Variants in RETREG3 observed in about 807,000 individuals in gnomAD.
The protein encoded by RETREG3 is reticulophagy regulator family member 3.
In RETREG3, 23 loss-of-function variants were observed where a neutral mutation model predicts 50.2. That is an observed-to-expected ratio of 0.46 (90% CI 0.33 to 0.65). The LOEUF is 0.65. Ranked by LOEUF, RETREG3 falls within the 30% of genes least tolerant of loss-of-function variation. The pLI, the probability that RETREG3 is intolerant of heterozygous loss-of-function variation, is 0.02. For missense variants in RETREG3, 546 were observed against 598.0 expected, an observed-to-expected ratio of 0.91 and a Z score of 0.91; for synonymous variants, 240 against 234.4, an observed-to-expected ratio of 1.02 and a Z score of -0.22.
rs2093149344 is a variant in RETREG3, at chr17:42,597,607, ATATATATATATATTTTTTTTTTTT to A, written c.240-5469_240-5446del. On this transcript the variant is annotated intron_variant, in intron 1 of 8. Transcript: ENST00000309428. ...TATATATATATATATATATATATAT[ATATATATATATATTTTTTTTTTTT>A]TTTTTTTTTTTTTTTTGAGACAGAG... is the stretch of plus-strand genomic sequence containing the variant. Among the ~76,000 whole-genome samples, 5 of 17,012 alleles carry A rather than the reference ATATATATATATATTTTTTTTTTTT, an allele frequency of 2.9e-4. No homozygotes were observed. The Admixed American group carries it at 4.8e-3, about 16-fold the overall frequency. 11.2% of individuals were successfully genotyped at this position (17,012 alleles called of 152,430 possible). A position where few individuals can be genotyped will look rare whatever the true frequency, so the allele number is the denominator to read the frequency against.
chr17:42,605,689 TAGTCTCAAG>T (rs1419563430), intron 1 of RETREG3, among the ~76,000 whole-genome samples: 3 of 152,172 alleles, frequency 2.0e-5, no homozygotes, highest in African/African-American at 7.2e-5. Context: ...ACTGTTCTTT[TAGTCTCAAG>T]AGTCACATTG....
At chr17:42,600,477 T>C (rs547922404) in intron 1 of RETREG3, among the ~76,000 whole-genome samples, 106 of 152,360 alleles carry the variant, frequency 7.0e-4, no homozygotes, top group Middle Eastern at 3.4e-3. Flanking sequence ...GTGATAATGA[T>C]GGCAGATGTT....
intron 1 of RETREG3, among the ~76,000 whole-genome samples, chr17:42,603,370 A>G (rs1390387997): frequency 1.3e-5 from 2 of 152,206 alleles, no homozygotes; most frequent in African/African-American, 4.8e-5. Flanking sequence ...CAGGGACAGA[A>G]AGCCTGTTAC....
At chr17:42,597,541 ATT>A (rs1279538056) in intron 1 of RETREG3, among the ~76,000 whole-genome samples, 2 of 105,684 alleles carry the variant, frequency 1.9e-5, no homozygotes, top group Admixed American at 2.2e-4. Context: ...ATATATATAT[ATT>A]TCGTATATAT....
intron 8 of RETREG3, among the ~76,000 whole-genome samples, 172 bp from the exon 9 acceptor site, chr17:42,582,442 C>T (rs1334560539): frequency 6.6e-6 from 1 of 152,200 alleles, no homozygotes. Context: ...CACAATTCCC[C>T]CTCTCTTCTA....
chr17:42,585,015 A>G, intron 6 of RETREG3, 110 bp downstream of exon 6: 1 of 1,303,072 alleles, frequency 7.7e-7, no homozygotes, highest in Non-Finnish European at 1.1e-6. Context: ...CACCCCCACC[A>G]ACTACCCCCG....
chr17:42,586,189 G>A (rs767908237), intron 4 of RETREG3, 52 bp from the exon 5 acceptor site: 1 of 1,574,698 alleles, frequency 6.4e-7, no homozygotes. Flanking sequence ...AGGGGACTGG[G>A]GTGGGTGTGA....
intron 1 of RETREG3, among the ~76,000 whole-genome samples, chr17:42,593,442 G>T (rs962827424): frequency 1.1e-4 from 17 of 152,152 alleles, no homozygotes; most frequent in African/African-American, 3.9e-4. Flanking sequence ...GAGGTCAGGA[G>T]ATCGAGACCA....
intron 1 of RETREG3, among the ~76,000 whole-genome samples, chr17:42,601,877 G>T (rs995895252): frequency 1.3e-5 from 2 of 151,850 alleles, no homozygotes; most frequent in Admixed American, 1.3e-4. Context: ...TAGGTGACCT[G>T]CCTGCCTCGG....
intron 1 of RETREG3, among the ~76,000 whole-genome samples, chr17:42,598,138 C>T (rs758777771): frequency 1.3e-5 from 2 of 151,696 alleles, no homozygotes; most frequent in Non-Finnish European, 1.5e-5. Flanking sequence ...CCCGCCACCA[C>T]GCCCGGCTAA....
rs1368876917 is a variant in RETREG3 at position 42,580,561 on chromosome 17, G to C, written c.*1252C>G. The C allele has an allele frequency of 6.6e-6, 1 of 152,640 alleles. No individual in the cohort carries two copies. Among genetic ancestry groups the C allele is most frequent in the East Asian group, 1.9e-4 (1 of 5,334 alleles). The allele number at this position is 152,640 out of a possible 1,614,324, so 9.5% of individuals were successfully genotyped here. On this transcript the variant is annotated 3_prime_UTR_variant, in exon 9 of 9. Coordinates refer to ENST00000309428, the MANE Select transcript of RETREG3 (RefSeq NM_178126.4). ...ACAGAGGTGCTCACTAATCCTCCCA[G>C]CCAGCTGATCCCCCTGGGCCAAGGT...
intron 1 of RETREG3, among the ~76,000 whole-genome samples, chr17:42,598,085 C>T (rs892277079): frequency 6.7e-6 from 1 of 148,966 alleles, no homozygotes; most frequent in African/African-American, 2.5e-5. Flanking sequence ...GGGTTCATGC[C>T]ATTCTCCTGC....
At chr17:42,587,966 A>G (rs963911094) in intron 2 of RETREG3, 102 bp from the exon 3 acceptor site, 6 of 1,309,678 alleles carry the variant, frequency 4.6e-6, no homozygotes, top group Non-Finnish European at 6.6e-6. Flanking sequence ...AGGTTGGGGA[A>G]AAGAAAACAG....
chr17:42,609,166 C>G lies in RETREG3; in HGVS notation c.159G>C (p.Leu53=), dbSNP rs370887666. ...VEVLGPYEPL[L]SRVQAALVWE... ...ACACCAGGGCTGCCTGCACCCGACT[C>G]AGCAGAGGCTCGTAAGGCCCCAGCA... The change falls in exon 1 of 9, where the codon CTG becomes CTC. Residue 53 remains leucine (L), a synonymous_variant. Transcript: ENST00000309428. The G allele has an allele frequency of 3.1e-6, 5 of 1,610,564 alleles. No individual in the cohort carries two copies. The highest frequency in any genetic ancestry group is 1.6e-4 in the Middle Eastern group (1 of 6,082).
chr17:42,600,623 T>C (rs1370838657), intron 1 of RETREG3, among the ~76,000 whole-genome samples: 1 of 152,028 alleles, frequency 6.6e-6, no homozygotes, highest in African/African-American at 2.4e-5. Flanking sequence ...TGGCCAGGAA[T>C]TGAAAAAAAT....
chr17:42,595,094 T>A (rs1316194759), intron 1 of RETREG3, among the ~76,000 whole-genome samples: 4 of 148,822 alleles, frequency 2.7e-5, no homozygotes, highest in African/African-American at 5.0e-5. Context: ...GCCTCCCGAG[T>A]AGCTGGGACT....
chr17:42,582,799 T>C lies in RETREG3; in HGVS notation c.818A>G (p.Asp273Gly). The C allele has an allele frequency of 1.2e-6, 2 of 1,614,194 alleles. No homozygotes were observed. The highest frequency in any genetic ancestry group is 1.7e-6 in the Non-Finnish European group (2 of 1,180,038). The change falls in exon 8 of 9, where the codon GAT becomes GGT. Residue 273 changes from aspartate (D) to glycine (G), a missense_variant. Physicochemically the swap from Asp to Gly is moderately conservative, Grantham distance 94. Coordinates refer to ENST00000309428, the MANE Select transcript of RETREG3 (RefSeq NM_178126.4). Reference protein sequence around the residue: ...ELAAFCPQLDDSTVARELAIT... With the variant: ...ELAAFCPQLDGSTVARELAIT... ...GGCCAATTCCCTGGCAACAGTAGAA[T>C]CGTCCAGCTTAGGAAAAGACCAACA... is the stretch of plus-strand genomic sequence containing the variant.
rs570204374 is a variant in RETREG3, at chr17:42,586,777, T to C, written c.492A>G (p.Gln164=). 9 of 1,613,880 alleles carry C rather than the reference T, an allele frequency of 5.6e-6. No individual in the cohort carries two copies. Among genetic ancestry groups the C allele is most frequent in the Middle Eastern group, 1.6e-4 (1 of 6,062 alleles). Residue 164 remains glutamine (Q), a synonymous_variant, in exon 4 of 9, where the codon CAA becomes CAG. Transcript: ENST00000309428. ...GGAAGAGTCTTACCTTGCCTGGGTT[T>C]TGCTTTTTGAAAAGCAAAACATTCC... is the stretch of plus-strand genomic sequence containing the variant. ...FIRNVLLFKK[Q]NPGKFCLLSC...
intron 1 of RETREG3, among the ~76,000 whole-genome samples, chr17:42,599,977 G>C (rs1484594466): frequency 6.6e-6 from 1 of 151,926 alleles, no homozygotes; most frequent in Non-Finnish European, 1.5e-5. Context: ...CTGGGTGACA[G>C]AGCGAGACCC....
Sources: gnomAD v4.1 joint callset for allele counts (sites outside exome capture counted in the v4.1 genomes callset) on GRCh38, gnomAD v4.1.1 for gene constraint, MANE v1.5 for transcripts, NCBI Gene and HGNC (gene_info 2026-07-23, HGNC 2026-07-21) for gene names.